Variants in AIG1 observed in about 807,000 individuals in gnomAD.
AIG1 encodes androgen induced 1.
A neutral mutation model predicts 31.4 loss-of-function variants in AIG1; 23 were observed. The ratio of observed to expected loss-of-function variants is 0.73; its 90% confidence interval spans 0.53 to 1.04. The LOEUF (loss-of-function observed/expected upper bound fraction) is 1.04. AIG1 is among the 50% of genes least tolerant of loss of function. AIG1 has a pLI of 0.00. For missense variants in AIG1, 274 were observed against 295.0 expected, an observed-to-expected ratio of 0.93 and a Z score of 0.52; for synonymous variants, 100 against 110.5, an observed-to-expected ratio of 0.90 and a Z score of 0.60.
chr6:143,137,075 A>T (rs996030901), intron 2 of AIG1, 85 bp downstream of exon 2: 29 of 1,287,162 alleles, frequency 2.3e-5, no homozygotes, highest in Admixed American at 1.8e-4. Flanking sequence ...AGAGTTCATT[A>T]TAAGAGGTTT....
chr6:143,253,540 A>G (rs1190551647), intron 3 of AIG1, among the ~76,000 whole-genome samples: 1 of 152,234 alleles, frequency 6.6e-6, no homozygotes, highest in Non-Finnish European at 1.5e-5. Flanking sequence ...CTCCGCCATC[A>G]GTAACTCATT....
At chr6:143,199,464 T>C (rs1790519271) in intron 3 of AIG1, among the ~76,000 whole-genome samples, 1 of 152,186 alleles carries the variant, frequency 6.6e-6, no homozygotes, top group South Asian at 2.1e-4. Flanking sequence ...CTTTCTACTT[T>C]TATGTGTATT....
chr6:143,131,071 C>G (rs1386755140), intron 1 of AIG1, among the ~76,000 whole-genome samples: 1 of 152,010 alleles, frequency 6.6e-6, no homozygotes, highest in Non-Finnish European at 1.5e-5. Context: ...TACTTACATG[C>G]TTTTTTTTGT....
chr6:143,164,726 T>TG (rs1786750236), intron 2 of AIG1, among the ~76,000 whole-genome samples: 1 of 152,134 alleles, frequency 6.6e-6, no homozygotes, highest in Non-Finnish European at 1.5e-5. Flanking sequence ...TAGTGGGTAA[T>TG]GGGATCCGAA....
At chr6:143,182,694 T>G (rs1487379556) in intron 3 of AIG1, among the ~76,000 whole-genome samples, 1 of 152,228 alleles carries the variant, frequency 6.6e-6, no homozygotes, top group Non-Finnish European at 1.5e-5. Flanking sequence ...CTATCTTCCC[T>G]TGCTAGAATG....
chr6:143,250,633 G>A (rs1222658366), intron 3 of AIG1, among the ~76,000 whole-genome samples: 2 of 152,090 alleles, frequency 1.3e-5, no homozygotes, highest in East Asian at 3.9e-4. Flanking sequence ...CACACATTGA[G>A]CAGGGGCAGA....
chr6:143,092,967 T>A (rs1779434796), intron 1 of AIG1, among the ~76,000 whole-genome samples: 1 of 152,156 alleles, frequency 6.6e-6, no homozygotes, highest in Admixed American at 6.5e-5. Flanking sequence ...GGAGCATTGC[T>A]TGAGCCCAGG....
rs796978813 is a variant in AIG1 at position 143,340,685 on chromosome 6, A to G, written c.*1009A>G. 1.3e-5 allele frequency among the ~76,000 whole-genome samples: 2 copies of G among 151,912 alleles called. No individual in the cohort carries two copies. Among genetic ancestry groups the G allele is most frequent in the South Asian group, 4.2e-4 (2 of 4,808 alleles). On this transcript the variant is annotated 3_prime_UTR_variant, in exon 6 of 6. Transcript: ENST00000357847. ...CACCTTGTTAGCCAGGATGGTCTCG[A>G]TCTCCTGACCTTGTGATCCACACGC...
At chr6:143,281,483 G>A (rs1797337089) in intron 3 of AIG1, among the ~76,000 whole-genome samples, 3 of 152,120 alleles carry the variant, frequency 2.0e-5, no homozygotes, top group Non-Finnish European at 2.9e-5. Flanking sequence ...TATTGCCTGA[G>A]AATGGGTTGG....
At chr6:143,285,167 G>A (rs546290707) in intron 4 of AIG1, among the ~76,000 whole-genome samples, 33 of 151,936 alleles carry the variant, frequency 2.2e-4, no homozygotes, top group African/African-American at 8.0e-4. Flanking sequence ...AGCTGGAGTT[G>A]AAAAATAAAA....
At chr6:143,199,938 G>C (rs922094665) in intron 3 of AIG1, among the ~76,000 whole-genome samples, 2 of 152,178 alleles carry the variant, frequency 1.3e-5, no homozygotes, top group African/African-American at 4.8e-5. Flanking sequence ...TTGACAGATG[G>C]AAGTGGTGGG....
chr6:143,320,567 GC>G (rs1464327383), intron 4 of AIG1, among the ~76,000 whole-genome samples: 2 of 152,194 alleles, frequency 1.3e-5, no homozygotes, highest in East Asian at 3.9e-4. Flanking sequence ...TGTGGATTAA[GC>G]CGAAATGACA....
downstream of AIG1, among the ~76,000 whole-genome samples, chr6:143,343,563 G>A (rs1486734086): frequency 1.3e-5 from 2 of 152,068 alleles, no homozygotes; most frequent in Non-Finnish European, 2.9e-5. Context: ...TGACATAGTT[G>A]TGACGTAAAG....
chr6:143,316,797 A>C (rs1326112615), intron 4 of AIG1, among the ~76,000 whole-genome samples: 1 of 152,172 alleles, frequency 6.6e-6, no homozygotes, highest in Admixed American at 6.5e-5. Flanking sequence ...AGATCCAAAT[A>C]AGCTCAATTA....
At chr6:143,278,431 C>G in intron 3 of AIG1, among the ~76,000 whole-genome samples, 1 of 150,622 alleles carries the variant, frequency 6.6e-6, no homozygotes, top group East Asian at 1.9e-4. Flanking sequence ...TTAGGAGAGT[C>G]TCTCTTTCAT....
intron 3 of AIG1, among the ~76,000 whole-genome samples, chr6:143,178,952 G>T (rs1003320957): frequency 1.3e-5 from 2 of 152,158 alleles, no homozygotes; most frequent in African/African-American, 4.8e-5. Flanking sequence ...GGGACAAGAG[G>T]CATGGCAATC....
At chr6:143,257,390 C>A (rs1374817426) in intron 3 of AIG1, among the ~76,000 whole-genome samples, 1 of 152,064 alleles carries the variant, frequency 6.6e-6, no homozygotes, top group Non-Finnish European at 1.5e-5. Context: ...CCTTCTCGAA[C>A]AAATGAGGAA....
At chr6:143,175,612 G>A (rs958546217) in intron 3 of AIG1, among the ~76,000 whole-genome samples, 2 of 152,102 alleles carry the variant, frequency 1.3e-5, no homozygotes, top group African/African-American at 4.8e-5. Context: ...AGACTTTCCA[G>A]TGCATTTTGC....
At chr6:143,120,256 A>T (rs375910490) in intron 1 of AIG1, among the ~76,000 whole-genome samples, 1 of 152,298 alleles carries the variant, frequency 6.6e-6, no homozygotes, top group East Asian at 1.9e-4. Context: ...TTTTAAAATA[A>T]CTGAGGCAGA....
Sources: allele counts gnomAD v4.1 joint callset (sites outside exome capture counted in the v4.1 genomes callset), GRCh38; gene constraint gnomAD v4.1.1; transcripts MANE v1.5; gene names NCBI Gene and HGNC (gene_info 2026-07-23, HGNC 2026-07-21).